The following FRY variants were observed in gnomAD, a reference collection of about 807,000 sequenced individuals.
The protein encoded by FRY is protein furry homolog.
FRY carries 128 observed loss-of-function variants against 348.4 expected under a neutral mutation model. That is an observed-to-expected ratio of 0.37 (90% CI 0.32 to 0.43). The LOEUF is 0.43. Among genes scored for constraint, FRY ranks in the 20% least tolerant of loss-of-function variants. The pLI is 1.00. For synonymous variants in FRY, 1,370 were observed against 1,374.7 expected (o/e 1.00, Z 0.08); for missense variants, 2,736 against 3,695.2 (o/e 0.74, Z 6.73).
chr13:32,094,527 A>C, intron 2 of FRY, among the ~76,000 whole-genome samples: 1 of 150,616 alleles, frequency 6.6e-6, no homozygotes, highest in African/African-American at 2.5e-5. Flanking sequence ...TATCCTTCCC[A>C]GCCTCTAATA....
intron 11 of FRY, among the ~76,000 whole-genome samples, chr13:32,141,441 A>C (rs1880065988): frequency 6.6e-6 from 1 of 152,244 alleles, no homozygotes; most frequent in Non-Finnish European, 1.5e-5. Context: ...GGAAGAGAAA[A>C]CTGGAAGGTA....
chr13:32,206,125 G>T (rs1358186970), intron 31 of FRY, among the ~76,000 whole-genome samples: 1 of 151,986 alleles, frequency 6.6e-6, no homozygotes, highest in African/African-American at 2.4e-5. Flanking sequence ...ACTGAGGGAG[G>T]TCAGTGCTAG....
chr13:32,159,874 C>T (rs766549919), intron 16 of FRY, among the ~76,000 whole-genome samples: 2 of 152,136 alleles, frequency 1.3e-5, no homozygotes, highest in Non-Finnish European at 2.9e-5. Flanking sequence ...CATTTCTTTC[C>T]TTGGCTGATT....
At position 32,171,009 on chromosome 13, in the gene FRY, C is replaced by T. The variant is rs778902804; in HGVS notation, c.1893-3C>T. 5.6e-6 allele frequency: 9 copies of T among 1,600,180 alleles called. No homozygotes were observed. Among genetic ancestry groups the T allele is most frequent in the South Asian group, 4.4e-5 (4 of 90,756 alleles). On this transcript the variant is annotated splice_region_variant and splice_polypyrimidine_tract_variant and intron_variant, in intron 17 of 60. Transcript: ENST00000542859. ...ATTTTATTTTCCTTTATTCGTTTCA[C>T]AGGCTCTCTATTCATATGGATGATG...
chr13:32,128,983 C>T (rs1364209105), intron 7 of FRY, among the ~76,000 whole-genome samples: 2 of 152,154 alleles, frequency 1.3e-5, no homozygotes, highest in South Asian at 2.1e-4. Context: ...AGTCCAAGCT[C>T]AAGGTGTTAG....
intron 18 of FRY, among the ~76,000 whole-genome samples, chr13:32,171,559 G>T (rs908794748): frequency 6.6e-6 from 1 of 151,896 alleles, no homozygotes; most frequent in Admixed American, 6.6e-5. Flanking sequence ...TGATCCTCCC[G>T]TCTCAGCCTC....
chr13:32,119,654 G>A (rs369427464), intron 4 of FRY, among the ~76,000 whole-genome samples: 4 of 151,958 alleles, frequency 2.6e-5, no homozygotes, highest in African/African-American at 9.7e-5. Flanking sequence ...CCAACTTCCT[G>A]TCTCCTTATT....
At chr13:32,217,260 A>G (rs1179810212) in intron 35 of FRY, among the ~76,000 whole-genome samples, 2 of 152,196 alleles carry the variant, frequency 1.3e-5, no homozygotes, top group Non-Finnish European at 2.9e-5. Flanking sequence ...TTGGCTACAT[A>G]TATATTAAGT....
At chr13:32,031,969 A>T in intron 1 of FRY, 104 bp downstream of exon 1, 1 of 682,550 alleles carries the variant, frequency 1.5e-6, no homozygotes, top group Non-Finnish European at 2.6e-6. Context: ...GAGCCGCGGA[A>T]GTTTTTCTTT....
intron 46 of FRY, 84 bp from the exon 47 acceptor site, chr13:32,243,958 A>G: frequency 7.0e-7 from 1 of 1,424,162 alleles, no homozygotes; most frequent in Non-Finnish European, 9.8e-7. Flanking sequence ...GGAAATGTGC[A>G]ATCCTAAATG....
At chr13:32,044,393 G>A (rs564823522) in intron 1 of FRY, among the ~76,000 whole-genome samples, 1 of 152,202 alleles carries the variant, frequency 6.6e-6, no homozygotes, top group Non-Finnish European at 1.5e-5. Flanking sequence ...AATAAGAATA[G>A]CTAGCATTCA....
intron 2 of FRY, among the ~76,000 whole-genome samples, chr13:32,084,794 G>A (rs1046498801): frequency 2.0e-5 from 3 of 152,146 alleles, no homozygotes; most frequent in African/African-American, 7.2e-5. Context: ...TAGGGGCAGA[G>A]ATTTTCTCTT....
At chr13:32,092,612 A>G (rs1032125705) in intron 2 of FRY, among the ~76,000 whole-genome samples, 8 of 152,192 alleles carry the variant, frequency 5.3e-5, no homozygotes. Context: ...TCCTATGGAA[A>G]TACTGAAACT....
chr13:32,033,955 A>T (rs1206398436), intron 1 of FRY, among the ~76,000 whole-genome samples: 1 of 152,178 alleles, frequency 6.6e-6, no homozygotes, highest in Non-Finnish European at 1.5e-5. Flanking sequence ...TCTGTGTAGA[A>T]GGCAAAGTAG....
rs116268862 is a variant in FRY, at chr13:32,138,635, G to A, written c.1179+1663G>A. 5.4e-3 allele frequency among the ~76,000 whole-genome samples: 817 copies of A among 152,294 alleles called. 5 individuals carry two copies. Among genetic ancestry groups the A allele is most frequent in the African/African-American group, 0.019 (785 of 41,562 alleles). On this transcript the variant is annotated intron_variant, in intron 11 of 60. Coordinates refer to ENST00000542859, the MANE Select transcript of FRY (RefSeq NM_023037.3). ...ACTTTTCAAGCACTAAGATTTCTAA[G>A]AGGCAGTAAGGCCAGAAAGAGGATG...
At chr13:32,061,257 G>A (rs1223162875) in intron 1 of FRY, 8 of 479,222 alleles carry the variant, frequency 1.7e-5, no homozygotes, top group African/African-American at 1.6e-4. Flanking sequence ...CAGCGGATGG[G>A]GGTGGAGGTA....
intron 35 of FRY, among the ~76,000 whole-genome samples, chr13:32,214,106 A>T (rs1052019026): frequency 6.6e-6 from 1 of 152,218 alleles, no homozygotes; most frequent in Non-Finnish European, 1.5e-5. Context: ...AATGGACACC[A>T]CTATTCCGTT....
intron 47 of FRY, among the ~76,000 whole-genome samples, chr13:32,245,358 A>T (rs1252152449): frequency 6.6e-6 from 1 of 151,990 alleles, no homozygotes; most frequent in Non-Finnish European, 1.5e-5. Context: ...TAATCCCAGC[A>T]CTTTGGGAGG....
Position 32,131,572 on chromosome 13 carries a change from G to C in FRY, c.717-100G>C, listed in dbSNP as rs1879366732. The stretch of plus-strand genomic sequence containing the variant: ...CTGTTGTACTTGAACTGATTTAAAG[G>C]ATTCCATTGCTCTGCTCAATCACTC... On this transcript the variant is annotated intron_variant, in intron 7 of 60. Transcript: ENST00000542859. 9 of 807,506 alleles carry C rather than the reference G, an allele frequency of 1.1e-5. 1 individual carries two copies. The South Asian group carries it at 1.3e-4, about 12-fold the overall frequency. The allele number at this position is 807,506 out of a possible 1,614,324, so 50.0% of individuals were successfully genotyped here.
Sources: allele counts gnomAD v4.1 joint callset (sites outside exome capture counted in the v4.1 genomes callset), GRCh38; gene constraint gnomAD v4.1.1; transcripts MANE v1.5; gene names NCBI Gene and HGNC (gene_info 2026-07-23, HGNC 2026-07-21).